EMB: variants seen among roughly 807,000 people sequenced by gnomAD.
EMB encodes the protein embigin homolog.
In EMB, 31 loss-of-function variants were observed where a neutral mutation model predicts 41.4. The observed-to-expected ratio is 0.75, with a 90% CI of 0.56 to 1.01. EMB has a LOEUF of 1.01. Among genes scored for constraint, EMB ranks in the 50% least tolerant of loss-of-function variants. EMB has a pLI of 0.00. For synonymous variants in EMB, 137 were observed against 140.4 expected, an observed-to-expected ratio of 0.98 and a Z score of 0.17; for missense variants, 379 against 388.3, an observed-to-expected ratio of 0.98 and a Z score of 0.20.
chr5:50,428,364 T>C (rs1368314979), intron 1 of EMB, 137 bp from the exon 2 acceptor site: 1 of 1,251,304 alleles, frequency 8.0e-7, no homozygotes, highest in Middle Eastern at 2.7e-4. Flanking sequence ...AAGTCTTATA[T>C]ACTTCAAAGA....
At chr5:50,412,717 C>A (rs1423401480) in intron 2 of EMB, among the ~76,000 whole-genome samples, 1 of 151,926 alleles carries the variant, frequency 6.6e-6, no homozygotes, top group Non-Finnish European at 1.5e-5. Context: ...TATCTTTTGT[C>A]AGTTTAATTC....
At position 50,437,732 on chromosome 5, in the gene EMB, AGCT is replaced by A. The variant is rs547086235; in HGVS notation, c.112+3305_112+3307del. 5.3e-3 allele frequency among the ~76,000 whole-genome samples: 811 copies of A among 152,210 alleles called. 7 individuals are homozygous for A. The highest frequency in any genetic ancestry group is 0.019 in the African/African-American group (779 of 41,502). On this transcript the variant is annotated intron_variant, in intron 1 of 8. Transcript: ENST00000303221. ...GCTTCAAAAATATTTATTACTAGAAAGCTGCTGTGTTTGGGGTGAGAGGTTAGT... is the reference window on the plus strand; with the variant it reads ...GCTTCAAAAATATTTATTACTAGAAAGCTGTGTTTGGGGTGAGAGGTTAGT...
In EMB at chr5:50,396,954, A is replaced by C. The variant is rs890035813; in HGVS notation, c.*2319T>G. 1.3e-5 allele frequency: 2 copies of C among 152,124 alleles called. No homozygotes were observed. Among genetic ancestry groups the C allele is most frequent in the African/African-American group, 4.8e-5 (2 of 41,434 alleles). The allele number at this position is 152,124 out of a possible 1,614,324, so 9.4% of individuals were successfully genotyped here. ...TCTAAATTAGGGCCTGAGCAGCTAG[A>C]TGTTGGGATAATAACAAAAAGACTG... On this transcript the variant is annotated 3_prime_UTR_variant, in exon 9 of 9. Coordinates refer to ENST00000303221, the MANE Select transcript of EMB (RefSeq NM_198449.3).
intron 1 of EMB, among the ~76,000 whole-genome samples, chr5:50,435,012 T>C (rs1386258205): frequency 6.6e-6 from 1 of 152,232 alleles, no homozygotes; most frequent in Non-Finnish European, 1.5e-5. Context: ...GTGATTTGTT[T>C]CTGTTGGAGG....
chr5:50,434,479 G>GAAA (rs1189687145), intron 1 of EMB, among the ~76,000 whole-genome samples: 1 of 152,122 alleles, frequency 6.6e-6, no homozygotes, highest in African/African-American at 2.4e-5. Flanking sequence ...TTTTTATGAA[G>GAAA]AAAAACCACA....
intron 1 of EMB, among the ~76,000 whole-genome samples, chr5:50,436,969 C>G (rs1318902147): frequency 1.3e-5 from 2 of 152,164 alleles, no homozygotes; most frequent in Non-Finnish European, 1.5e-5. Flanking sequence ...TCAGAAACAT[C>G]ACTATTAAAA....
chr5:50,440,921 C>T lies in EMB; in HGVS notation c.112+119G>A, dbSNP rs574084660. On this transcript the variant is annotated intron_variant, in intron 1 of 8. Transcript: ENST00000303221. ...CGACTCTCCCACCCGCCCTTACCAG[C>T]ATCCCCGCGCCTCTCCCCGCCACCC... is the stretch of plus-strand genomic sequence containing the variant. The T allele has an allele frequency of 4.9e-6, 3 of 617,936 alleles. No homozygotes were observed. In the East Asian group the frequency reaches 1.0e-4, roughly 22 times the overall value. 38.3% of individuals were successfully genotyped at this position (617,936 alleles called of 1,614,324 possible).
chr5:50,441,290 C>A (rs766362174), upstream of EMB: 2 of 456,758 alleles, frequency 4.4e-6, no homozygotes, highest in South Asian at 7.8e-5. Flanking sequence ...GAAGAAAAGG[C>A]GGAATGGGAG....
intron 1 of EMB, among the ~76,000 whole-genome samples, chr5:50,430,775 A>G (rs1303086980): frequency 6.6e-6 from 1 of 152,136 alleles, no homozygotes; most frequent in African/African-American, 2.4e-5. Flanking sequence ...CTGAGCCTGG[A>G]GGTGGAAGAA....
intron 7 of EMB, among the ~76,000 whole-genome samples, chr5:50,401,946 C>T (rs1184123286): frequency 6.6e-6 from 1 of 151,870 alleles, no homozygotes; most frequent in Non-Finnish European, 1.5e-5. Flanking sequence ...TTAAATACTT[C>T]CTGATGGTTA....
intron 1 of EMB, among the ~76,000 whole-genome samples, chr5:50,431,512 G>A (rs925620394): frequency 6.6e-6 from 1 of 152,082 alleles, no homozygotes; most frequent in African/African-American, 2.4e-5. Context: ...GGAATTTGGG[G>A]TCTTAATCCA....
chr5:50,432,124 A>C (rs1284915983), intron 1 of EMB, among the ~76,000 whole-genome samples: 1 of 152,198 alleles, frequency 6.6e-6, no homozygotes, highest in Admixed American at 6.5e-5. Context: ...TAACACTAGA[A>C]AACTGCATTG....
intron 1 of EMB, among the ~76,000 whole-genome samples, chr5:50,435,769 T>C (rs537413953): frequency 1.3e-5 from 2 of 152,312 alleles, no homozygotes; most frequent in South Asian, 2.1e-4. Flanking sequence ...AAAGTTTTCA[T>C]TGATTTATTT....
intron 4 of EMB, among the ~76,000 whole-genome samples, chr5:50,408,549 T>C (rs1178881353): frequency 6.6e-6 from 1 of 152,064 alleles, no homozygotes; most frequent in Non-Finnish European, 1.5e-5. Flanking sequence ...GCAGGGACTT[T>C]GCTGATGAAT....
At position 50,405,829 on chromosome 5, in the gene EMB, T is replaced by C. The variant is rs747417141; in HGVS notation, c.496A>G (p.Lys166Glu). ...TCCCCTACGTAAGAGATCAATGGCT[T>C]GTTTTTCCCATGAAGTTCAGGGACT... The part of the protein sequence containing the change: ...FKVPELHGKN[K>E]PLISYVGDST... The change falls in exon 5 of 9, where the codon AAG becomes GAG. Residue 166 changes from lysine (K) to glutamate (E), a missense_variant. Lys to Glu is a moderately conservative substitution (Grantham distance 56). Coordinates refer to ENST00000303221, the MANE Select transcript of EMB (RefSeq NM_198449.3). 6.3e-7 allele frequency: 1 copy of C among 1,585,988 alleles called. No homozygotes were observed. Among genetic ancestry groups the C allele is most frequent in the Admixed American group, 1.9e-5 (1 of 52,716 alleles).
At chr5:50,437,849 T>C (rs1222606610) in intron 1 of EMB, among the ~76,000 whole-genome samples, 1 of 152,162 alleles carries the variant, frequency 6.6e-6, no homozygotes, top group Non-Finnish European at 1.5e-5. Context: ...CAAACATTTT[T>C]CAAAAGATAA....
chr5:50,428,041 C>A lies in EMB; in HGVS notation c.196+103G>T, dbSNP rs1745649152. The stretch of plus-strand genomic sequence containing the variant: ...GTATGTTTTCCCACCAGGCCAGGAA[C>A]AGGGATTACCACTTCGCAAAGCAAA... On this transcript the variant is annotated intron_variant, in intron 2 of 8. Coordinates refer to ENST00000303221, the MANE Select transcript of EMB (RefSeq NM_198449.3). The A allele has an allele frequency of 8.1e-6, 6 of 737,296 alleles. No homozygotes were observed. In the Admixed American group the frequency reaches 1.0e-4, roughly 13 times the overall value. 45.7% of individuals were successfully genotyped at this position (737,296 alleles called of 1,614,324 possible).
At chr5:50,412,474 AC>A (rs1745357282) in intron 2 of EMB, among the ~76,000 whole-genome samples, 2 of 152,060 alleles carry the variant, frequency 1.3e-5, no homozygotes, top group African/African-American at 2.4e-5. Context: ...AGAAATCTTC[AC>A]ACCACACCTA....
intron 1 of EMB, among the ~76,000 whole-genome samples, chr5:50,437,311 T>C (rs1745820427): frequency 6.6e-6 from 1 of 152,110 alleles, no homozygotes; most frequent in South Asian, 2.1e-4. Flanking sequence ...TAAATAAAAG[T>C]AGGCTTATGG....
Sources: allele counts gnomAD v4.1 joint callset (sites outside exome capture counted in the v4.1 genomes callset), GRCh38; gene constraint gnomAD v4.1.1; transcripts MANE v1.5; gene names NCBI Gene and HGNC (gene_info 2026-07-23, HGNC 2026-07-21).